Variants in SPATA13 observed in about 807,000 individuals in gnomAD.
SPATA13 encodes the protein spermatogenesis-associated protein 13.
SPATA13 carries 50 observed loss-of-function variants against 104.0 expected under a neutral mutation model. That is an observed-to-expected ratio of 0.48 (90% CI 0.38 to 0.61). SPATA13 has a LOEUF of 0.61. Ranked by LOEUF, SPATA13 falls within the 20% of genes least tolerant of loss-of-function variation. The pLI, the probability that SPATA13 is intolerant of heterozygous loss-of-function variation, is 0.00. For missense variants in SPATA13, 1,524 were observed against 1,690.6 expected (o/e 0.90, Z 1.73); for synonymous variants, 606 against 667.5 (o/e 0.91, Z 1.42).
intron 11 of SPATA13, among the ~76,000 whole-genome samples, chr13:24,298,873 G>C (rs1876979652): frequency 6.6e-6 from 1 of 152,154 alleles, no homozygotes; most frequent in African/African-American, 2.4e-5. Context: ...GATCGACTTG[G>C]AAACACTCAA....
intron 3 of SPATA13, among the ~76,000 whole-genome samples, chr13:24,074,529 C>T (rs1359132560): frequency 6.6e-6 from 1 of 152,094 alleles, no homozygotes; most frequent in Non-Finnish European, 1.5e-5. Context: ...GCAGCACTTA[C>T]TATGTATCAG....
chr13:24,233,267 T>C (rs1872384310), intron 2 of SPATA13, among the ~76,000 whole-genome samples: 1 of 152,216 alleles, frequency 6.6e-6, no homozygotes, highest in South Asian at 2.1e-4. Flanking sequence ...AAAATGTTTT[T>C]CTAATGAATT....
chr13:24,071,661 A>G (rs572854435), intron 3 of SPATA13, among the ~76,000 whole-genome samples: 51 of 152,324 alleles, frequency 3.3e-4, no homozygotes, highest in Admixed American at 2.9e-3. Flanking sequence ...CACACCCTGC[A>G]TTGAATCACA....
chr13:24,273,895 G>A (rs1268183310), intron 4 of SPATA13, among the ~76,000 whole-genome samples: 2 of 152,108 alleles, frequency 1.3e-5, no homozygotes, highest in Non-Finnish European at 2.9e-5. Context: ...TTGCTATGTT[G>A]CCCAGGCTGG....
At chr13:24,125,452 T>A (rs1452006446) in intron 3 of SPATA13, among the ~76,000 whole-genome samples, 1 of 152,170 alleles carries the variant, frequency 6.6e-6, no homozygotes, top group African/African-American at 2.4e-5. Context: ...TGCAGGTTTC[T>A]CCTTTTCCAC....
intron 3 of SPATA13, among the ~76,000 whole-genome samples, chr13:24,130,401 C>G (rs909884179): frequency 6.6e-6 from 1 of 152,180 alleles, no homozygotes. Context: ...GTCTAGGACC[C>G]AGCCGATTAG....
chr13:24,010,002 G>A (rs1404888309), intron 2 of SPATA13, among the ~76,000 whole-genome samples: 1 of 152,154 alleles, frequency 6.6e-6, no homozygotes, highest in Non-Finnish European at 1.5e-5. Context: ...AAGGCAGTTA[G>A]GGTAAAGCTT....
intron 4 of SPATA13, among the ~76,000 whole-genome samples, chr13:24,277,633 T>C (rs890879036): frequency 6.6e-6 from 1 of 152,110 alleles, no homozygotes; most frequent in Admixed American, 6.5e-5. Flanking sequence ...ATAGCCCTGA[T>C]AAATGACTCA....
Position 24,047,786 on chromosome 13 carries a change from A to G in SPATA13, c.-112+30085A>G, listed in dbSNP as rs141700551. 2.0e-4 allele frequency among the ~76,000 whole-genome samples: 31 copies of G among 152,344 alleles called. No individual in the cohort carries two copies. The East Asian group carries it at 5.8e-3, about 28-fold the overall frequency. On this transcript the variant is annotated intron_variant, in intron 3 of 14. Coordinates refer to the SPATA13 transcript ENST00000424834. Reference sequence around the variant, plus strand: ...AATCTGTATAGATATATGGAAAGAGACTTATGATGAGGGACTCACCCACGT... The same window carrying G: ...AATCTGTATAGATATATGGAAAGAGGCTTATGATGAGGGACTCACCCACGT...
In SPATA13 at chr13:24,172,990, C is replaced by T. The variant is rs370798059; in HGVS notation, c.-112+12058C>T. Among the ~76,000 whole-genome samples the T allele has an allele frequency of 7.2e-5, 11 of 152,288 alleles. No individual in the cohort carries two copies. The East Asian group carries it at 7.7e-4, about 11-fold the overall frequency. Reference sequence around the variant, plus strand: ...TTTGATTAGTTTCATCAGCATTGTACGGCTTTCAGCACACAGGTTTCATAC... The same window carrying T: ...TTTGATTAGTTTCATCAGCATTGTATGGCTTTCAGCACACAGGTTTCATAC... On this transcript the variant is annotated intron_variant, in intron 1 of 12. Transcript: ENST00000382108.
At chr13:23,986,992 T>G (rs953526323) in intron 2 of SPATA13, among the ~76,000 whole-genome samples, 4 of 136,168 alleles carry the variant, frequency 2.9e-5, no homozygotes, top group African/African-American at 1.1e-4. Flanking sequence ...TAGAGGTGAA[T>G]GGATATATCT....
intron 3 of SPATA13, among the ~76,000 whole-genome samples, chr13:24,131,990 G>A (rs1220646797): frequency 6.6e-6 from 1 of 152,200 alleles, no homozygotes; most frequent in Non-Finnish European, 1.5e-5. Flanking sequence ...TTGCAGCTAG[G>A]GTTGACTGTG....
chr13:24,142,132 A>G (rs1376869648), intron 3 of SPATA13, among the ~76,000 whole-genome samples: 1 of 145,094 alleles, frequency 6.9e-6, no homozygotes, highest in East Asian at 2.0e-4. Flanking sequence ...TAGCTTTTTT[A>G]TGCTACAAAT....
chr13:24,300,650 T>C, intron 12 of SPATA13, 175 bp downstream of exon 12: 1 of 625,708 alleles, frequency 1.6e-6, no homozygotes, highest in Non-Finnish European at 2.9e-6. Context: ...TGTTTGGTTT[T>C]GAATGTGCGT....
chr13:23,995,641 T>A (rs563321156), intron 2 of SPATA13, among the ~76,000 whole-genome samples: 1 of 152,300 alleles, frequency 6.6e-6, no homozygotes, highest in African/African-American at 2.4e-5. Context: ...TATAATCAAA[T>A]CTAATTTTGT....
At chr13:24,071,857 G>T (rs1024229621) in intron 3 of SPATA13, among the ~76,000 whole-genome samples, 2 of 152,166 alleles carry the variant, frequency 1.3e-5, no homozygotes, top group African/African-American at 4.8e-5. Context: ...AGGAATTTTT[G>T]AGCAAGATGA....
At chr13:24,059,041 C>A (rs965309278) in intron 3 of SPATA13, among the ~76,000 whole-genome samples, 2 of 151,622 alleles carry the variant, frequency 1.3e-5, no homozygotes, top group African/African-American at 4.8e-5. Flanking sequence ...GCGGAATCTC[C>A]ACTCACTACA....
intron 1 of SPATA13, among the ~76,000 whole-genome samples, chr13:24,198,723 C>T (rs890681659): frequency 6.6e-6 from 1 of 152,114 alleles, no homozygotes; most frequent in African/African-American, 2.4e-5. Flanking sequence ...AAGTCTGGGT[C>T]GTCCTGTGAG....
chr13:24,209,754 T>C (rs531175969), intron 1 of SPATA13, among the ~76,000 whole-genome samples: 1 of 152,096 alleles, frequency 6.6e-6, no homozygotes, highest in Non-Finnish European at 1.5e-5. Flanking sequence ...TTTTGAGGTG[T>C]TGATTTCGTT....
Sources: allele counts gnomAD v4.1 joint callset (sites outside exome capture counted in the v4.1 genomes callset), GRCh38; gene constraint gnomAD v4.1.1; transcripts MANE v1.5; gene names NCBI Gene and HGNC (gene_info 2026-07-23, HGNC 2026-07-21).